The following XKR9 variants were observed in gnomAD, a reference collection of about 807,000 sequenced individuals.
XKR9 encodes XK-related protein 9.
In XKR9, 32 loss-of-function variants were observed where a neutral mutation model predicts 32.0. The ratio of observed to expected loss-of-function variants is 1.00; its 90% CI spans 0.76 to 1.34. The LOEUF (loss-of-function observed/expected upper bound fraction) is 1.34. Ranked by LOEUF, XKR9 falls within the 40% of genes most tolerant of loss-of-function variation. The pLI, the probability that XKR9 is intolerant of heterozygous loss-of-function variation, is 0.00. For synonymous variants in XKR9, 168 were observed against 143.4 expected, an observed-to-expected ratio of 1.17 and a Z score of -1.22; for missense variants, 546 against 429.7, an observed-to-expected ratio of 1.27 and a Z score of -2.39.
intron 3 of XKR9, among the ~76,000 whole-genome samples, chr8:70,686,016 G>C (rs1431651621): frequency 6.6e-6 from 1 of 150,568 alleles, no homozygotes; most frequent in East Asian, 1.9e-4. Flanking sequence ...TATTTTAATT[G>C]ATCCAAGTTT....
At chr8:70,892,912 GT>G in the XKR9 span, among the ~76,000 whole-genome samples, 1 of 152,078 alleles carries the variant, frequency 6.6e-6, no homozygotes, top group Non-Finnish European at 1.5e-5. Flanking sequence ...AAAATATCAT[GT>G]CATTAAATAG....
chr8:70,815,509 T>TTTTATTTTATTTA, the XKR9 span, among the ~76,000 whole-genome samples: 2 of 141,762 alleles, frequency 1.4e-5, no homozygotes, highest in African/African-American at 2.7e-5. Context: ...CATTCCTTTA[T>TTTTATTTTATTTA]TTTATTTATT....
At chr8:70,991,807 G>A in the XKR9 span, among the ~76,000 whole-genome samples, 2 of 152,136 alleles carry the variant, frequency 1.3e-5, no homozygotes, top group Non-Finnish European at 1.5e-5. Flanking sequence ...TATACTATGA[G>A]GTTTTGATAT....
the XKR9 span, among the ~76,000 whole-genome samples, chr8:70,882,659 A>G: frequency 1.3e-4 from 20 of 152,014 alleles, no homozygotes; most frequent in Admixed American, 1.1e-3. Flanking sequence ...AGAATTTCAT[A>G]TCTTTGTTTC....
chr8:71,055,631 A>G, the XKR9 span, among the ~76,000 whole-genome samples: 3 of 152,214 alleles, frequency 2.0e-5, no homozygotes, highest in African/African-American at 7.2e-5. Flanking sequence ...TCCTACAGTA[A>G]TATGGTGATT....
chr8:71,020,321 C>T, the XKR9 span, among the ~76,000 whole-genome samples: 2 of 152,148 alleles, frequency 1.3e-5, no homozygotes, highest in Admixed American at 6.5e-5. Context: ...AAAACTGTTC[C>T]ATAACCACAG....
chr8:71,052,187 T>A, the XKR9 span, among the ~76,000 whole-genome samples: 1 of 152,234 alleles, frequency 6.6e-6, no homozygotes, highest in African/African-American at 2.4e-5. Context: ...GCCCAATGAA[T>A]GCAGCATCCA....
At chr8:70,857,858 C>G in the XKR9 span, among the ~76,000 whole-genome samples, 37 of 152,220 alleles carry the variant, frequency 2.4e-4, no homozygotes, top group South Asian at 3.3e-3. Context: ...GAACCAATGA[C>G]AAAAACCACG....
chr8:70,773,121 T>C (rs1206589436), intron 2 of XKR9, among the ~76,000 whole-genome samples: 1 of 152,200 alleles, frequency 6.6e-6, no homozygotes, highest in East Asian at 1.9e-4. Context: ...TTTTGATTAC[T>C]GAGTGTTCAG....
chr8:71,025,853 G>T, the XKR9 span, among the ~76,000 whole-genome samples: 1 of 152,094 alleles, frequency 6.6e-6, no homozygotes, highest in Admixed American at 6.6e-5. Context: ...TATTTTGCCT[G>T]CCCTCTCCAG....
chr8:70,924,287 G>T, the XKR9 span, among the ~76,000 whole-genome samples: 1 of 152,074 alleles, frequency 6.6e-6, no homozygotes, highest in South Asian at 2.1e-4. Flanking sequence ...CATTGTAACA[G>T]CTTCTTATCC....
At chr8:70,709,486 C>T (rs536497449) in intron 4 of XKR9, among the ~76,000 whole-genome samples, 50 of 152,194 alleles carry the variant, frequency 3.3e-4, no homozygotes, top group Admixed American at 2.4e-3. Flanking sequence ...AAAAGGCATT[C>T]GAATAGGAAG....
intron 4 of XKR9, among the ~76,000 whole-genome samples, chr8:70,722,884 A>AT (rs772603876): frequency 3.2e-4 from 47 of 148,572 alleles, no homozygotes; most frequent in Middle Eastern, 3.5e-3. Flanking sequence ...ATATCCTGAA[A>AT]TTTTTTTTTT....
At chr8:70,967,477 A>G in the XKR9 span, among the ~76,000 whole-genome samples, 3 of 152,084 alleles carry the variant, frequency 2.0e-5, no homozygotes, top group African/African-American at 7.2e-5. Context: ...TCCTGTCATG[A>G]TGATATTAGC....
chr8:70,697,529 G>A (rs1805328540), intron 3 of XKR9, among the ~76,000 whole-genome samples: 1 of 150,506 alleles, frequency 6.6e-6, no homozygotes, highest in East Asian at 1.9e-4. Flanking sequence ...TCCCAGGGAT[G>A]AAGCCCACTT....
intron 4 of XKR9, among the ~76,000 whole-genome samples, chr8:70,724,036 G>A (rs1318304432): frequency 3.3e-5 from 5 of 151,994 alleles, no homozygotes; most frequent in East Asian, 3.9e-4. Flanking sequence ...AATTTTATCC[G>A]TAAGCCCCTG....
the XKR9 span, among the ~76,000 whole-genome samples, chr8:70,849,338 A>C: frequency 6.6e-6 from 1 of 152,358 alleles, no homozygotes; most frequent in East Asian, 1.9e-4. Flanking sequence ...ACTACATGGA[A>C]ACTGAACAAC....
At chr8:70,808,500 T>C in the XKR9 span, among the ~76,000 whole-genome samples, 3 of 152,166 alleles carry the variant, frequency 2.0e-5, no homozygotes, top group Admixed American at 6.5e-5. Context: ...GGGTGAGGCA[T>C]TGCCTCACCC....
chr8:70,922,160 C>A, the XKR9 span, among the ~76,000 whole-genome samples: 6 of 152,310 alleles, frequency 3.9e-5, 1 homozygote, highest in South Asian at 1.2e-3. Flanking sequence ...CCACATCCTA[C>A]CTCCTGCATG....
Sources: allele counts gnomAD v4.1 joint callset (sites outside exome capture counted in the v4.1 genomes callset), GRCh38; gene constraint gnomAD v4.1.1; transcripts MANE v1.5; gene names NCBI Gene and HGNC (gene_info 2026-07-23, HGNC 2026-07-21).